The following TP63 variants were observed in gnomAD, a reference collection of about 807,000 sequenced individuals.
The protein encoded by TP63 is tumor protein 63.
Under a neutral mutation model 82.8 loss-of-function variants are expected in TP63, and 17 were observed. That is an observed-to-expected ratio of 0.21 (90% CI 0.14 to 0.31). The LOEUF (loss-of-function observed/expected upper bound fraction) is 0.31. TP63 is among the 10% of genes least tolerant of loss of function. The pLI is 1.00. For missense variants in TP63, 648 were observed against 895.3 expected (o/e 0.72, Z 3.52); for synonymous variants, 330 against 321.7 (o/e 1.03, Z -0.28).
chr3:189,705,241 C>T (rs1718111311), intron 1 of TP63, among the ~76,000 whole-genome samples: 1 of 152,180 alleles, frequency 6.6e-6, no homozygotes. Flanking sequence ...ATGTGTCCTA[C>T]AGGCAAATTG....
At chr3:189,655,704 G>A (rs1207072767) in intron 1 of TP63, among the ~76,000 whole-genome samples, 3 of 152,164 alleles carry the variant, frequency 2.0e-5, no homozygotes, top group Non-Finnish European at 4.4e-5. Context: ...GCCATAAAGT[G>A]GTAAGAACAC....
chr3:189,721,672 A>G (rs927635223), intron 1 of TP63, among the ~76,000 whole-genome samples: 1 of 152,116 alleles, frequency 6.6e-6, no homozygotes, highest in Non-Finnish European at 1.5e-5. Context: ...CTTGTTTCAC[A>G]TGCCCAGACT....
chr3:189,770,762 G>A (rs1723280119), intron 3 of TP63, among the ~76,000 whole-genome samples: 2 of 152,104 alleles, frequency 1.3e-5, no homozygotes, highest in Admixed American at 1.3e-4. Flanking sequence ...AGATAGTTAG[G>A]CAAGACAAAA....
chr3:189,844,449 C>CT, intron 4 of TP63: 1 of 289,608 alleles, frequency 3.5e-6, no homozygotes, highest in Non-Finnish European at 7.0e-6. Context: ...CCACACCCAG[C>CT]TAATTTTTGT....
chr3:189,840,666 C>T (rs1418331311), intron 4 of TP63, among the ~76,000 whole-genome samples: 1 of 151,476 alleles, frequency 6.6e-6, no homozygotes, highest in African/African-American at 2.4e-5. Flanking sequence ...CAAGACCAGC[C>T]TGGCTAAGAT....
At chr3:189,655,256 C>A (rs1196887380) in intron 1 of TP63, among the ~76,000 whole-genome samples, 1 of 152,150 alleles carries the variant, frequency 6.6e-6, no homozygotes, top group African/African-American at 2.4e-5. Flanking sequence ...CCTCTTACGA[C>A]AAGAAAAAGC....
At chr3:189,819,537 A>G (rs1728569588) in intron 4 of TP63, among the ~76,000 whole-genome samples, 1 of 152,022 alleles carries the variant, frequency 6.6e-6, no homozygotes, top group Non-Finnish European at 1.5e-5. Context: ...GAGTGAGAAC[A>G]TGCGGTGTTT....
rs1712958072 is a variant in TP63 at position 189,652,248 on chromosome 3, GT to G, written c.62+20672del. On this transcript the variant is annotated intron_variant, in intron 1 of 13. Transcript: ENST00000264731. ...GGGCTGTACCCTGCAAAGCCACAAG[GT>G]GGAGCTGTCCAAATCCATGGGAGCC... Among the ~76,000 whole-genome samples, 2 of 147,058 alleles carry G rather than the reference GT, an allele frequency of 1.4e-5. 1 individual carries two copies. Among genetic ancestry groups the G allele is most frequent in the Non-Finnish European group, 3.0e-5 (2 of 67,300 alleles).
the TP63 span, among the ~76,000 whole-genome samples, chr3:189,606,311 T>A: frequency 2.0e-5 from 3 of 150,940 alleles, no homozygotes; most frequent in African/African-American, 7.3e-5. Context: ...GAAAAAAAAA[T>A]CCACAAATAC....
intron 4 of TP63, among the ~76,000 whole-genome samples, chr3:189,863,162 A>G (rs1016900308): frequency 1.3e-5 from 2 of 152,046 alleles, no homozygotes; most frequent in African/African-American, 4.8e-5. Context: ...GGGCCAACTT[A>G]CGATTGCAAC....
chr3:189,837,131 G>A (rs148479276), intron 4 of TP63, among the ~76,000 whole-genome samples: 18 of 152,092 alleles, frequency 1.2e-4, no homozygotes, highest in African/African-American at 3.1e-4. Context: ...GTGGTGTTTC[G>A]CAGTCAACAA....
At chr3:189,637,456 T>C (rs1051500826) in intron 1 of TP63, among the ~76,000 whole-genome samples, 7 of 152,098 alleles carry the variant, frequency 4.6e-5, no homozygotes, top group African/African-American at 1.7e-4. Context: ...TTATGGGTCT[T>C]GACATCATCT....
At chr3:189,699,934 T>A (rs1168211384) in intron 1 of TP63, among the ~76,000 whole-genome samples, 5 of 152,220 alleles carry the variant, frequency 3.3e-5, no homozygotes, top group African/African-American at 1.2e-4. Context: ...GTATTTTAAT[T>A]TATCTCAGCT....
At chr3:189,850,472 C>A (rs1485571417) in intron 4 of TP63, among the ~76,000 whole-genome samples, 3 of 151,964 alleles carry the variant, frequency 2.0e-5, no homozygotes, top group Non-Finnish European at 4.4e-5. Context: ...TTCTTTCAGC[C>A]ATTAAAATGA....
intron 3 of TP63, among the ~76,000 whole-genome samples, chr3:189,773,510 C>G (rs1723529708): frequency 2.0e-5 from 3 of 152,128 alleles, no homozygotes; most frequent in Non-Finnish European, 4.4e-5. Context: ...GAGTAAGTTG[C>G]CAAGCCAAAA....
intron 3 of TP63, among the ~76,000 whole-genome samples, chr3:189,754,284 C>T (rs1722025079): frequency 6.6e-6 from 1 of 152,122 alleles, no homozygotes; most frequent in African/African-American, 2.4e-5. Flanking sequence ...TTCCTTCTTT[C>T]CTCCATCCTT....
the TP63 span, among the ~76,000 whole-genome samples, chr3:189,618,604 C>T: frequency 1.3e-5 from 2 of 152,250 alleles, no homozygotes; most frequent in Non-Finnish European, 2.9e-5. Context: ...TGGATATTAA[C>T]AGTCCCAGGT....
At chr3:189,835,331 A>G (rs1354492803) in intron 4 of TP63, among the ~76,000 whole-genome samples, 1 of 152,206 alleles carries the variant, frequency 6.6e-6, no homozygotes, top group Non-Finnish European at 1.5e-5. Context: ...ATGTAAAACA[A>G]AAGATGTCTG....
chr3:189,614,462 G>T, the TP63 span, among the ~76,000 whole-genome samples: 1 of 152,124 alleles, frequency 6.6e-6, no homozygotes. Context: ...TTTATCAGCA[G>T]CATGAAAATG....
Sources: gnomAD v4.1 joint callset for allele counts (sites outside exome capture counted in the v4.1 genomes callset) on GRCh38, gnomAD v4.1.1 for gene constraint, MANE v1.5 for transcripts, NCBI Gene and HGNC (gene_info 2026-07-23, HGNC 2026-07-21) for gene names.